TBC1D22A: variants seen among roughly 807,000 people sequenced by gnomAD.
TBC1D22A encodes putative GTPase activator.
In TBC1D22A, 38 loss-of-function variants were observed where a neutral mutation model predicts 60.2. That is an observed-to-expected ratio of 0.63 (90% CI 0.49 to 0.83). The LOEUF is 0.83. TBC1D22A is among the 40% of genes least tolerant of loss of function. The pLI is 0.00. For missense variants in TBC1D22A, 628 were observed against 701.0 expected (o/e 0.90, Z 1.18); for synonymous variants, 302 against 281.7 (o/e 1.07, Z -0.72).
rs184233292 is a variant in TBC1D22A, at chr22:46,816,139, T to C, written c.637+18519T>C. Among the ~76,000 whole-genome samples the C allele has an allele frequency of 4.7e-3, 715 of 152,252 alleles. 7 individuals are homozygous for C. Among genetic ancestry groups the C allele is most frequent in the African/African-American group, 0.016 (670 of 41,552 alleles). Reference sequence around the variant, plus strand: ...GTGTCCTGGGAGCCTGCCCTGGACCTCCTGCTGCGGCCGGCCGCCTGCCTG... The same window carrying C: ...GTGTCCTGGGAGCCTGCCCTGGACCCCCTGCTGCGGCCGGCCGCCTGCCTG... On this transcript the variant is annotated intron_variant, in intron 4 of 12. Transcript: ENST00000337137.
chr22:47,021,870 C>T (rs933338553), intron 10 of TBC1D22A, among the ~76,000 whole-genome samples: 31 of 152,334 alleles, frequency 2.0e-4, no homozygotes, highest in African/African-American at 7.5e-4. Context: ...GCAGCTCTGA[C>T]GTTCCTGGGT....
chr22:47,127,622 C>T (rs2066512791), intron 12 of TBC1D22A, among the ~76,000 whole-genome samples: 1 of 152,062 alleles, frequency 6.6e-6, no homozygotes, highest in Non-Finnish European at 1.5e-5. Context: ...CCAGCTTGCT[C>T]TTCCACTGCC....
chr22:47,028,905 T>C lies in TBC1D22A; in HGVS notation c.1202-8166T>C, dbSNP rs1463434105. ...ACATCCCAGAGTTGGTGTCAGACTCTATGAGCTAAGGGCTCAGTCCTTAAC... is the reference window on the plus strand; with the variant it reads ...ACATCCCAGAGTTGGTGTCAGACTCCATGAGCTAAGGGCTCAGTCCTTAAC... On this transcript the variant is annotated intron_variant, in intron 10 of 12. Transcript: ENST00000337137. This position sits in a 1 kb window ranked among gnomAD's most constrained non-coding sequence, Gnocchi z 4.4. Among the ~76,000 whole-genome samples, 1 of 152,174 alleles carries C rather than the reference T, an allele frequency of 6.6e-6. No homozygotes were observed. The highest frequency in any genetic ancestry group is 1.5e-5 in the Non-Finnish European group (1 of 68,032).
At chr22:47,032,433 T>C (rs2062507958) in intron 10 of TBC1D22A, among the ~76,000 whole-genome samples, 1 of 152,206 alleles carries the variant, frequency 6.6e-6, no homozygotes, top group Non-Finnish European at 1.5e-5. Context: ...GGCCTGGCCC[T>C]GTGAGTGCTT....
intron 1 of TBC1D22A, chr22:46,788,910 G>C (rs1171475147): frequency 6.6e-6 from 1 of 152,152 alleles, no homozygotes; most frequent in Non-Finnish European, 1.5e-5. Context: ...AGTGAGGGGT[G>C]GGACTGGGCT....
intron 11 of TBC1D22A, among the ~76,000 whole-genome samples, chr22:47,089,259 T>C (rs2064821404): frequency 6.6e-6 from 1 of 152,222 alleles, no homozygotes; most frequent in Middle Eastern, 3.2e-3. Context: ...CTTGTGATTA[T>C]GTGTCTAAGT....
At chr22:46,898,544 A>G (rs531266052) in intron 7 of TBC1D22A, among the ~76,000 whole-genome samples, 2 of 150,428 alleles carry the variant, frequency 1.3e-5, no homozygotes, top group African/African-American at 4.9e-5. Context: ...TTTTTTTTTT[A>G]ACCTAAAACG....
intron 4 of TBC1D22A, among the ~76,000 whole-genome samples, chr22:46,831,457 C>T (rs1319357278): frequency 6.6e-6 from 1 of 152,088 alleles, no homozygotes; most frequent in East Asian, 1.9e-4. Flanking sequence ...CTTGTGTGTT[C>T]CTTCTCAAGT....
At chr22:46,977,004 G>T (rs1397528793) in intron 9 of TBC1D22A, among the ~76,000 whole-genome samples, 1 of 152,152 alleles carries the variant, frequency 6.6e-6, no homozygotes, top group African/African-American at 2.4e-5. Flanking sequence ...TGTCTTCGCC[G>T]TGACGGTGCT....
intron 10 of TBC1D22A, among the ~76,000 whole-genome samples, chr22:47,036,190 G>A (rs1334844536): frequency 6.6e-6 from 1 of 152,098 alleles, no homozygotes; most frequent in Non-Finnish European, 1.5e-5. Flanking sequence ...AAAAACCAAG[G>A]ATCCACTATC....
chr22:47,049,430 A>G lies in TBC1D22A; in HGVS notation c.1329+12232A>G, dbSNP rs112787191. On this transcript the variant is annotated intron_variant, in intron 11 of 12. Coordinates refer to ENST00000337137, the MANE Select transcript of TBC1D22A (RefSeq NM_014346.5). ...CTGCTCTGAGTAAACCTGCAGGTGA[A>G]TGCACTTCTCAGCGGGCCTCCTTCA... is the stretch of plus-strand genomic sequence containing the variant. Among the ~76,000 whole-genome samples, 27 of 152,328 alleles carry G rather than the reference A, an allele frequency of 1.8e-4. 1 individual carries two copies. Among genetic ancestry groups the G allele is most frequent in the African/African-American group, 6.3e-4 (26 of 41,568 alleles).
chr22:47,041,324 C>A lies in TBC1D22A; in HGVS notation c.1329+4126C>A, dbSNP rs550662125. Among the ~76,000 whole-genome samples, 16 of 152,336 alleles carry A rather than the reference C, an allele frequency of 1.1e-4. No individual in the cohort carries two copies. In the South Asian group the frequency reaches 1.4e-3, roughly 14 times the overall value. On this transcript the variant is annotated intron_variant, in intron 11 of 12. Transcript: ENST00000337137. ...AGGGGATGAAAGATGGTGCTTGTCTCCCTGGGCTTCGGATCTGGTCATTCC... is the reference window on the plus strand; with the variant it reads ...AGGGGATGAAAGATGGTGCTTGTCTACCTGGGCTTCGGATCTGGTCATTCC...
At chr22:47,056,860 G>A (rs572282762) in intron 11 of TBC1D22A, among the ~76,000 whole-genome samples, 5 of 152,226 alleles carry the variant, frequency 3.3e-5, no homozygotes, top group Admixed American at 2.0e-4. Context: ...CGGGGAAGCT[G>A]CAGGGACAGA....
At chr22:46,823,993 C>G (rs1035743897) in intron 4 of TBC1D22A, among the ~76,000 whole-genome samples, 1 of 152,152 alleles carries the variant, frequency 6.6e-6, no homozygotes, top group Admixed American at 6.5e-5. Flanking sequence ...TTAAAGTGTC[C>G]CTGTAGCCGT....
chr22:46,995,460 A>G (rs2239756), intron 9 of TBC1D22A, among the ~76,000 whole-genome samples: 55,266 of 151,968 alleles, frequency 0.36, 10,606 homozygotes, highest in African/African-American at 0.49. Context: ...AGTGGCTGCC[A>G]TGCCTGCTCT....
chr22:46,823,477 A>G (rs1471088092), intron 4 of TBC1D22A, among the ~76,000 whole-genome samples: 1 of 152,088 alleles, frequency 6.6e-6, no homozygotes, highest in East Asian at 1.9e-4. Flanking sequence ...CCATTCAGGG[A>G]GGCCCAGGGC....
At chr22:46,869,844 G>C (rs1302039095) in intron 4 of TBC1D22A, among the ~76,000 whole-genome samples, 3 of 152,182 alleles carry the variant, frequency 2.0e-5, no homozygotes, top group African/African-American at 7.2e-5. Flanking sequence ...ATGATGGGTT[G>C]ATTTTTCTGT....
At chr22:47,148,425 G>C (rs1426317461) in intron 12 of TBC1D22A, among the ~76,000 whole-genome samples, 1 of 152,168 alleles carries the variant, frequency 6.6e-6, no homozygotes, top group Admixed American at 6.5e-5. Context: ...TCCTAAAAAG[G>C]AGGATGTGCC....
intron 12 of TBC1D22A, among the ~76,000 whole-genome samples, chr22:47,171,834 G>A (rs78497594): frequency 0.052 from 7,892 of 152,232 alleles, 350 homozygotes; most frequent in Admixed American, 0.13. Context: ...CTCAGTGTCC[G>A]CATCCCGGCC....
Sources: allele counts gnomAD v4.1 joint callset (sites outside exome capture counted in the v4.1 genomes callset), GRCh38; gene constraint gnomAD v4.1.1; non-coding constraint Gnocchi (gnomAD v3.1); transcripts MANE v1.5; gene names NCBI Gene and HGNC (gene_info 2026-07-23, HGNC 2026-07-21).